The following ITGA8 variants were observed in gnomAD, a reference collection of about 807,000 sequenced individuals.
ITGA8 encodes integrin alpha-8.
ITGA8 carries 91 observed loss-of-function variants against 142.3 expected under a neutral mutation model. The ratio of observed to expected loss-of-function variants is 0.64; its 90% CI spans 0.54 to 0.76. The LOEUF is 0.76. Ranked by LOEUF, ITGA8 falls within the 30% of genes least tolerant of loss-of-function variation. The pLI is 0.00. For missense variants in ITGA8, 1,406 were observed against 1,327.7 expected (o/e 1.06, Z -0.92); for synonymous variants, 505 against 485.2 (o/e 1.04, Z -0.54).
chr10:15,694,538 A>G (rs556475384), intron 2 of ITGA8, among the ~76,000 whole-genome samples: 111 of 138,438 alleles, frequency 8.0e-4, no homozygotes, highest in African/African-American at 2.8e-3. Context: ...ATATATAAAA[A>G]TGTATCTAAT....
intron 27 of ITGA8, among the ~76,000 whole-genome samples, chr10:15,541,172 G>A (rs1183822885): frequency 6.6e-6 from 1 of 152,192 alleles, no homozygotes; most frequent in Non-Finnish European, 1.5e-5. Context: ...TCAATAAAAG[G>A]CTGTTGGAGA....
Position 15,694,284 on chromosome 10 carries a change from A to AGATAATATATCATATATAT in ITGA8, c.344-6265_344-6247dup, listed in dbSNP as rs1366172321. Among the ~76,000 whole-genome samples the AGATAATATATCATATATAT allele has an allele frequency of 5.0e-3, 508 of 102,022 alleles. 7 individuals are homozygous for AGATAATATATCATATATAT. Among genetic ancestry groups the AGATAATATATCATATATAT allele is most frequent in the East Asian group, 0.024 (87 of 3,600 alleles). The allele number at this position is 102,022 out of a possible 152,430, so 66.9% of individuals were successfully genotyped here. A position where few individuals can be genotyped will look rare whatever the true frequency, so the allele number is the denominator to read the frequency against. On this transcript the variant is annotated intron_variant, in intron 2 of 29. Transcript: ENST00000378076. ...TACATCAGATAATATATCATACATC[A>AGATAATATATCATATATAT]GATAATATATCATATATATGATAAT... is the stretch of plus-strand genomic sequence containing the variant.
At chr10:15,524,277 G>T (rs1000651964) in intron 28 of ITGA8, among the ~76,000 whole-genome samples, 1 of 152,162 alleles carries the variant, frequency 6.6e-6, no homozygotes, top group Non-Finnish European at 1.5e-5. Flanking sequence ...AAGAACAGTG[G>T]AAATACAGAA....
intron 2 of ITGA8, among the ~76,000 whole-genome samples, chr10:15,697,252 GCTTTT>G (rs1006718912): frequency 6.6e-6 from 1 of 152,118 alleles, no homozygotes; most frequent in African/African-American, 2.4e-5. Context: ...TGTATTTTTA[GCTTTT>G]CTGAGGTTTT....
intron 10 of ITGA8, among the ~76,000 whole-genome samples, chr10:15,657,833 A>G (rs1248910675): frequency 6.6e-6 from 1 of 152,204 alleles, no homozygotes; most frequent in Non-Finnish European, 1.5e-5. Context: ...GTAAATAGTC[A>G]CATATAAGTT....
At chr10:15,525,312 C>A (rs1833150409) in intron 28 of ITGA8, among the ~76,000 whole-genome samples, 1 of 152,030 alleles carries the variant, frequency 6.6e-6, no homozygotes, top group African/African-American at 2.4e-5. Context: ...CAATGCAAGC[C>A]ACAAGCATAA....
Position 15,644,494 on chromosome 10 carries a change from AAT to A in ITGA8, c.1208-275_1208-274del, listed in dbSNP as rs1491398242. Among the ~76,000 whole-genome samples the A allele has an allele frequency of 4.9e-3, 47 of 9,504 alleles. 4 individuals carry two copies. The highest frequency in any genetic ancestry group is 6.9e-3 in the African/African-American group (37 of 5,368). 6.2% of individuals were successfully genotyped at this position (9,504 alleles called of 152,430 possible). A position where few individuals can be genotyped will look rare whatever the true frequency, so the allele number is the denominator to read the frequency against. On this transcript the variant is annotated intron_variant, in intron 12 of 29. Coordinates refer to ENST00000378076, the MANE Select transcript of ITGA8 (RefSeq NM_003638.3). ...TATATATATATATATATATATATAG[AAT>A]TTTTTTTTTTTTTTGAGCAATGGGT...
At chr10:15,655,685 C>T (rs1251068946) in intron 10 of ITGA8, among the ~76,000 whole-genome samples, 1 of 152,192 alleles carries the variant, frequency 6.6e-6, no homozygotes, top group Non-Finnish European at 1.5e-5. Flanking sequence ...GGAATGTTCA[C>T]TGCTAAATCT....
At chr10:15,539,234 G>T (rs1313211387) in intron 27 of ITGA8, among the ~76,000 whole-genome samples, 3 of 152,076 alleles carry the variant, frequency 2.0e-5, no homozygotes, top group Non-Finnish European at 4.4e-5. Context: ...ACAGAATTCT[G>T]ATTGAATGTC....
chr10:15,655,278 A>AT (rs1015128348), intron 11 of ITGA8, 76 bp downstream of exon 11: 8 of 1,019,140 alleles, frequency 7.8e-6, no homozygotes, highest in Non-Finnish European at 1.2e-5. Context: ...GGAAGGGTGT[A>AT]TTTTGTGAAG....
chr10:15,562,424 C>T (rs1834000643), intron 25 of ITGA8, among the ~76,000 whole-genome samples: 1 of 151,926 alleles, frequency 6.6e-6, no homozygotes, highest in African/African-American at 2.4e-5. Context: ...AGGGCAGGGG[C>T]TTGGAAGGAT....
chr10:15,527,375 T>C (rs1833195136), intron 28 of ITGA8, among the ~76,000 whole-genome samples: 1 of 152,204 alleles, frequency 6.6e-6, no homozygotes, highest in South Asian at 2.1e-4. Context: ...ATAACCACCT[T>C]TGGAATTACA....
At chr10:15,576,198 C>A (rs1262159464) in intron 23 of ITGA8, among the ~76,000 whole-genome samples, 1 of 152,004 alleles carries the variant, frequency 6.6e-6, no homozygotes. Flanking sequence ...AGAGCCAGAA[C>A]AAAATAAAGT....
intron 25 of ITGA8, among the ~76,000 whole-genome samples, chr10:15,563,137 C>T (rs1394042437): frequency 6.8e-6 from 1 of 146,662 alleles, no homozygotes; most frequent in Non-Finnish European, 1.5e-5. Flanking sequence ...AGTAAAAGCT[C>T]CTTCAGGCCT....
intron 20 of ITGA8, among the ~76,000 whole-genome samples, chr10:15,600,573 G>C (rs557115422): frequency 6.6e-6 from 1 of 152,308 alleles, no homozygotes; most frequent in Middle Eastern, 3.4e-3. Context: ...AGAGGTGAGT[G>C]GGGGTGATAT....
At chr10:15,592,661 T>C (rs1344828473) in intron 21 of ITGA8, among the ~76,000 whole-genome samples, 1 of 152,154 alleles carries the variant, frequency 6.6e-6, no homozygotes, top group Non-Finnish European at 1.5e-5. Context: ...CTGGAGTGCA[T>C]TAGTGCGAGC....
chr10:15,709,766 G>A (rs1395656358), intron 2 of ITGA8, among the ~76,000 whole-genome samples: 1 of 152,196 alleles, frequency 6.6e-6, no homozygotes, highest in Non-Finnish European at 1.5e-5. Context: ...AAACTGCCAT[G>A]TCAGAACAGG....
intron 28 of ITGA8, among the ~76,000 whole-genome samples, chr10:15,520,390 G>C (rs1455180831): frequency 6.6e-6 from 1 of 152,174 alleles, no homozygotes; most frequent in Admixed American, 6.5e-5. Flanking sequence ...TCCAGCCTAG[G>C]CAACAGGGTG....
chr10:15,548,267 T>G (rs1309159483), intron 27 of ITGA8, among the ~76,000 whole-genome samples, 188 bp downstream of exon 27: 3 of 152,138 alleles, frequency 2.0e-5, no homozygotes, highest in South Asian at 2.1e-4. Context: ...AATTTTTCTA[T>G]TTTTAGTAGA....
Sources: gnomAD v4.1 joint callset for allele counts (sites outside exome capture counted in the v4.1 genomes callset) on GRCh38, gnomAD v4.1.1 for gene constraint, MANE v1.5 for transcripts, NCBI Gene and HGNC (gene_info 2026-07-23, HGNC 2026-07-21) for gene names.